The following CSMD2 variants were observed in gnomAD, a reference collection of about 807,000 sequenced individuals.
CSMD2 encodes CUB and Sushi multiple domains 2.
A neutral mutation model predicts 398.5 loss-of-function variants in CSMD2; 130 were observed. That is an observed-to-expected ratio of 0.33 (90% CI 0.28 to 0.38). The LOEUF (loss-of-function observed/expected upper bound fraction) is 0.38, where lower values mean the gene tolerates loss of function less well. CSMD2 is among the 10% of genes least tolerant of loss of function. The pLI, the probability that CSMD2 is intolerant of heterozygous loss-of-function variation, is 1.00. For synonymous variants in CSMD2, 1,828 were observed against 1,908.5 expected, an observed-to-expected ratio of 0.96 and a Z score of 1.10; for missense variants, 3,829 against 4,764.9, an observed-to-expected ratio of 0.80 and a Z score of 5.78.
At chr1:33,897,691 A>G (rs1026427875) in intron 5 of CSMD2, among the ~76,000 whole-genome samples, 2 of 152,202 alleles carry the variant, frequency 1.3e-5, no homozygotes, top group East Asian at 1.9e-4. Context: ...AGGCACTACC[A>G]GGGACAAAAT....
intron 13 of CSMD2, among the ~76,000 whole-genome samples, chr1:33,751,628 A>G (rs1648262198): frequency 6.6e-6 from 1 of 152,004 alleles, no homozygotes; most frequent in African/African-American, 2.4e-5. Flanking sequence ...TACTTTTTAA[A>G]ATTATTATTA....
At chr1:34,076,928 A>AAAAAAAT (rs1232288848) in intron 2 of CSMD2, among the ~76,000 whole-genome samples, 100 of 53,578 alleles carry the variant, frequency 1.9e-3, no homozygotes, top group Middle Eastern at 0.011. Flanking sequence ...AAAAAAAAAA[A>AAAAAAAT]ATATATATAT....
chr1:33,602,560 A>G lies in CSMD2; in HGVS notation c.6533-14T>C, dbSNP rs1461705905. On this transcript the variant is annotated splice_polypyrimidine_tract_variant and intron_variant, in intron 42 of 70. Transcript: ENST00000373381. Reference sequence around the variant, plus strand: ...CGCCACAAGGGACTGCCAGGGAGGGAACACAAACGTAAGTGCAGGGCCTCG... The same window carrying G: ...CGCCACAAGGGACTGCCAGGGAGGGGACACAAACGTAAGTGCAGGGCCTCG... 6.3e-7 allele frequency: 1 copy of G among 1,575,838 alleles called. No individual in the cohort carries two copies. The highest frequency in any genetic ancestry group is 1.9e-5 in the Admixed American group (1 of 53,496).
chr1:33,840,832 T>G (rs990215197), intron 6 of CSMD2, among the ~76,000 whole-genome samples: 3 of 152,050 alleles, frequency 2.0e-5, no homozygotes, highest in African/African-American at 7.2e-5. Context: ...ACCTGGAAAT[T>G]AGGCTGGAAA....
chr1:33,860,133 T>C (rs1639382662), intron 5 of CSMD2, among the ~76,000 whole-genome samples: 1 of 152,140 alleles, frequency 6.6e-6, no homozygotes, highest in African/African-American at 2.4e-5. Flanking sequence ...TATTCAGATT[T>C]CCCCAGATTT....
At chr1:33,798,409 C>T (rs1655204046) in intron 10 of CSMD2, among the ~76,000 whole-genome samples, 1 of 152,144 alleles carries the variant, frequency 6.6e-6, no homozygotes, top group Non-Finnish European at 1.5e-5. Flanking sequence ...ATCTAAATGC[C>T]CAGGACATGG....
chr1:33,738,287 G>C (rs1352662837), intron 15 of CSMD2, among the ~76,000 whole-genome samples: 1 of 152,084 alleles, frequency 6.6e-6, no homozygotes, highest in Non-Finnish European at 1.5e-5. Flanking sequence ...CTTGGATACT[G>C]TCAGTTTCCC....
intron 1 of CSMD2, among the ~76,000 whole-genome samples, chr1:34,117,640 A>C (rs774782840): frequency 9.2e-5 from 14 of 151,952 alleles, no homozygotes; most frequent in Non-Finnish European, 1.3e-4. Context: ...CCAAAATCAA[A>C]GATACTACAA....
chr1:33,562,076 A>G (rs533255097), intron 53 of CSMD2, among the ~76,000 whole-genome samples: 1 of 152,328 alleles, frequency 6.6e-6, no homozygotes, highest in East Asian at 1.9e-4. Context: ...AAAAAGCTCT[A>G]CAGGAGGGGG....
At chr1:33,961,584 T>G (rs1167711454) in intron 3 of CSMD2, among the ~76,000 whole-genome samples, 4 of 152,164 alleles carry the variant, frequency 2.6e-5, no homozygotes, top group African/African-American at 7.2e-5. Context: ...ATCAGTGAGA[T>G]GAGAGTGAGA....
intron 1 of CSMD2, among the ~76,000 whole-genome samples, chr1:34,097,596 G>A (rs1659477515): frequency 2.4e-5 from 3 of 123,968 alleles, no homozygotes; most frequent in South Asian, 3.1e-4. Flanking sequence ...TCAAAAAGTG[G>A]GCGAAGGACA....
At chr1:34,105,132 A>G (rs1558395334) in intron 1 of CSMD2, among the ~76,000 whole-genome samples, 1 of 151,472 alleles carries the variant, frequency 6.6e-6, no homozygotes, top group East Asian at 1.9e-4. Context: ...GATGTGCACT[A>G]TTTTTTTTTA....
At chr1:33,997,142 A>C (rs868336122) in intron 3 of CSMD2, among the ~76,000 whole-genome samples, 2 of 152,196 alleles carry the variant, frequency 1.3e-5, no homozygotes, top group Admixed American at 6.5e-5. Context: ...CAAAGGGGCT[A>C]TGAAGAAACG....
chr1:34,004,575 T>G (rs1380927080), intron 3 of CSMD2, among the ~76,000 whole-genome samples: 1 of 152,174 alleles, frequency 6.6e-6, no homozygotes, highest in Non-Finnish European at 1.5e-5. Flanking sequence ...TAATTAGGGC[T>G]TTTTGGGAAA....
intron 53 of CSMD2, among the ~76,000 whole-genome samples, chr1:33,563,341 G>C (rs1044815665): frequency 6.6e-6 from 1 of 152,074 alleles, no homozygotes. Flanking sequence ...AGGAGATCCA[G>C]AGACTGGTGG....
At chr1:34,114,749 A>AAG (rs1486555058) in intron 1 of CSMD2, among the ~76,000 whole-genome samples, 1 of 152,230 alleles carries the variant, frequency 6.6e-6, no homozygotes, top group African/African-American at 2.4e-5. Flanking sequence ...ACCAATTCTA[A>AAG]AGAAATGGAG....
intron 28 of CSMD2, among the ~76,000 whole-genome samples, chr1:33,648,766 A>G (rs1363211662): frequency 6.6e-6 from 1 of 152,296 alleles, no homozygotes; most frequent in Middle Eastern, 3.4e-3. Flanking sequence ...CAACAAGGGT[A>G]ATTTTTCAAG....
At chr1:34,147,605 G>A (rs1420670284) in intron 1 of CSMD2, among the ~76,000 whole-genome samples, 3 of 151,298 alleles carry the variant, frequency 2.0e-5, no homozygotes, top group Non-Finnish European at 4.4e-5. Flanking sequence ...AGTATGGCTG[G>A]GGAGGAAAGG....
chr1:33,584,665 CA>C (rs11421041), intron 46 of CSMD2, among the ~76,000 whole-genome samples: 3 of 148,262 alleles, frequency 2.0e-5, no homozygotes, highest in South Asian at 2.1e-4. Flanking sequence ...GACTCCATCT[CA>C]AAAAAAATAT....
Sources: allele counts gnomAD v4.1 joint callset (sites outside exome capture counted in the v4.1 genomes callset), GRCh38; gene constraint gnomAD v4.1.1; transcripts MANE v1.5; gene names NCBI Gene and HGNC (gene_info 2026-07-23, HGNC 2026-07-21).